The following NCKAP5 variants were observed in gnomAD, a reference collection of about 807,000 sequenced individuals.
NCKAP5 encodes the protein nck-associated protein 5.
A neutral mutation model predicts 167.0 loss-of-function variants in NCKAP5; 92 were observed. The ratio of observed to expected loss-of-function variants is 0.55; its 90% CI spans 0.47 to 0.66. The LOEUF is 0.66. NCKAP5 is among the 30% of genes least tolerant of loss of function. The pLI, the probability that NCKAP5 is intolerant of heterozygous loss-of-function variation, is 0.00. For missense variants in NCKAP5, 2,378 were observed against 2,315.0 expected, an observed-to-expected ratio of 1.03 and a Z score of -0.56; for synonymous variants, 891 against 877.4, an observed-to-expected ratio of 1.02 and a Z score of -0.27.
chr2:132,855,254 C>CT (rs1323023474), intron 11 of NCKAP5, among the ~76,000 whole-genome samples: 1 of 152,196 alleles, frequency 6.6e-6, no homozygotes, highest in Non-Finnish European at 1.5e-5. Context: ...AGAATACCTG[C>CT]TGCACATTCT....
intron 3 of NCKAP5, among the ~76,000 whole-genome samples, chr2:133,403,362 C>A (rs1423018768): frequency 6.6e-6 from 1 of 152,162 alleles, no homozygotes; most frequent in Non-Finnish European, 1.5e-5. Flanking sequence ...TAGCCAGCAC[C>A]TCATAAGAGT....
intron 7 of NCKAP5, among the ~76,000 whole-genome samples, chr2:132,966,369 G>A (rs903948052): frequency 2.3e-4 from 35 of 152,098 alleles, no homozygotes; most frequent in African/African-American, 8.2e-4. Flanking sequence ...GAAAGTGCTG[G>A]GATTACAGGC....
chr2:132,738,019 A>G (rs1415714701), intron 16 of NCKAP5, among the ~76,000 whole-genome samples: 4 of 152,216 alleles, frequency 2.6e-5, no homozygotes, highest in African/African-American at 2.4e-5. Context: ...ATGAAAAACA[A>G]TAAACCTTTA....
At chr2:133,360,999 A>G (rs147849197) in intron 3 of NCKAP5, among the ~76,000 whole-genome samples, 1 of 151,574 alleles carries the variant, frequency 6.6e-6, no homozygotes, top group Admixed American at 6.6e-5. Flanking sequence ...CAAGAAATCA[A>G]TGGGCAGACC....
intron 8 of NCKAP5, among the ~76,000 whole-genome samples, chr2:132,887,326 T>TCTATCTATCTAC (rs1274634088): frequency 8.7e-5 from 9 of 103,990 alleles, no homozygotes; most frequent in African/African-American, 6.1e-4. Flanking sequence ...ATTTTATCTA[T>TCTATCTATCTAC]CTATCTATCT....
At chr2:132,715,706 C>T (rs1285346560) in intron 19 of NCKAP5, among the ~76,000 whole-genome samples, 2 of 152,158 alleles carry the variant, frequency 1.3e-5, no homozygotes, top group Admixed American at 6.5e-5. Context: ...CACAGTCTGA[C>T]AAAGACACCG....
Position 133,355,707 on chromosome 2 carries a change from C to T in NCKAP5, c.70-52597G>A, listed in dbSNP as rs76672615. ...ATCAACTTTTTCTCAGATACTCTAGCGCAAAGGCCAACTCAAAGTTCAGCT... is the reference window on the plus strand; with the variant it reads ...ATCAACTTTTTCTCAGATACTCTAGTGCAAAGGCCAACTCAAAGTTCAGCT... On this transcript the variant is annotated intron_variant, in intron 3 of 19. Coordinates refer to ENST00000409261, the MANE Select transcript of NCKAP5 (RefSeq NM_207363.3). Among the ~76,000 whole-genome samples, 308 of 152,230 alleles carry T rather than the reference C, an allele frequency of 2.0e-3. 2 individuals carry two copies. The highest frequency in any genetic ancestry group is 6.7e-3 in the African/African-American group (278 of 41,534).
At chr2:133,291,041 AAC>A (rs2150515047) in intron 4 of NCKAP5, among the ~76,000 whole-genome samples, 1 of 152,294 alleles carries the variant, frequency 6.6e-6, no homozygotes, top group South Asian at 2.1e-4. Flanking sequence ...TTGAATCATC[AAC>A]AGTCCCTGTA....
intron 3 of NCKAP5, among the ~76,000 whole-genome samples, chr2:133,388,758 G>A (rs188285056): frequency 9.2e-5 from 14 of 152,266 alleles, no homozygotes; most frequent in South Asian, 2.1e-4. Flanking sequence ...CCCCAGCCTC[G>A]CTGCCACCTT....
At chr2:133,637,721 GA>G in the NCKAP5 span, among the ~76,000 whole-genome samples, 1 of 151,924 alleles carries the variant, frequency 6.6e-6, no homozygotes, top group Non-Finnish European at 1.5e-5. Flanking sequence ...CCAATGACAT[GA>G]AAATATTGTT....
intron 3 of NCKAP5, among the ~76,000 whole-genome samples, chr2:133,488,475 A>G (rs1306675680): frequency 6.6e-6 from 1 of 152,178 alleles, no homozygotes; most frequent in African/African-American, 2.4e-5. Context: ...TTCCAATTTT[A>G]TAGTTAGAGC....
chr2:132,784,043 C>A lies in NCKAP5; in HGVS notation c.2768G>T (p.Gly923Val). 6.5e-7 allele frequency: 1 copy of A among 1,538,376 alleles called. No individual in the cohort carries two copies. Among genetic ancestry groups the A allele is most frequent in the Non-Finnish European group, 8.7e-7 (1 of 1,146,222 alleles). Residue 923 changes from glycine (G) to valine (V), a missense_variant, in exon 14 of 20, where the codon GGG becomes GTG. By Grantham distance (109) the Gly-to-Val change is moderately radical. Coordinates refer to ENST00000409261, the MANE Select transcript of NCKAP5 (RefSeq NM_207363.3). ...DEHCGSGPEA[G>V]VKSPSPPPPP... Reference sequence around the variant, plus strand: ...GGGCGGAGGGGAAGGGGATTTCACCCCTGCCTCCGGCCCAGAGCCACAGTG... The same window carrying A: ...GGGCGGAGGGGAAGGGGATTTCACCACTGCCTCCGGCCCAGAGCCACAGTG...
chr2:133,153,374 G>A (rs944158501), intron 5 of NCKAP5, among the ~76,000 whole-genome samples: 4 of 152,148 alleles, frequency 2.6e-5, no homozygotes, highest in Non-Finnish European at 5.9e-5. Context: ...ATGGGAAACT[G>A]TGTTGGGGGT....
chr2:133,458,645 A>AG (rs1340931209), intron 3 of NCKAP5, among the ~76,000 whole-genome samples: 7 of 152,118 alleles, frequency 4.6e-5, no homozygotes, highest in Non-Finnish European at 2.9e-5. Context: ...CCCCCAAGAA[A>AG]GGAAAGGAAA....
the NCKAP5 span, among the ~76,000 whole-genome samples, chr2:133,624,112 G>A: frequency 3.3e-5 from 5 of 151,840 alleles, no homozygotes; most frequent in African/African-American, 4.8e-5. Flanking sequence ...ATGATACATC[G>A]GATTTTGGGG....
chr2:133,099,127 T>A (rs2081427362), intron 6 of NCKAP5, among the ~76,000 whole-genome samples: 2 of 152,186 alleles, frequency 1.3e-5, no homozygotes, highest in South Asian at 4.1e-4. Flanking sequence ...GTTACTGTGG[T>A]TCTTTGAACT....
At chr2:132,961,993 G>A (rs58157851) in intron 8 of NCKAP5, among the ~76,000 whole-genome samples, 32,831 of 152,066 alleles carry the variant, frequency 0.22, 4,298 homozygotes, top group East Asian at 0.49. Flanking sequence ...AAAAAATGAC[G>A]AAAGAATGAG....
chr2:133,374,329 G>A (rs1172941906), intron 3 of NCKAP5, among the ~76,000 whole-genome samples: 2 of 152,190 alleles, frequency 1.3e-5, no homozygotes, highest in African/African-American at 4.8e-5. Context: ...AAAATTCAGT[G>A]TTTTCCAGGG....
intron 3 of NCKAP5, among the ~76,000 whole-genome samples, chr2:133,415,409 G>A (rs1689047304): frequency 6.6e-6 from 1 of 152,194 alleles, no homozygotes; most frequent in Non-Finnish European, 1.5e-5. Flanking sequence ...CTCTGTGTGG[G>A]GCATCAGCTG....
Sources: gnomAD v4.1 joint callset for allele counts (sites outside exome capture counted in the v4.1 genomes callset) on GRCh38, gnomAD v4.1.1 for gene constraint, MANE v1.5 for transcripts, NCBI Gene and HGNC (gene_info 2026-07-23, HGNC 2026-07-21) for gene names.